The following FBRSL1 variants were observed in gnomAD, a reference collection of about 807,000 sequenced individuals.
The protein encoded by FBRSL1 is fibrosin-1-like protein.
In FBRSL1, 51 loss-of-function variants were observed where a neutral mutation model predicts 89.6. The ratio of observed to expected loss-of-function variants is 0.57; its 90% CI spans 0.45 to 0.72. FBRSL1 has a LOEUF of 0.72. Ranked by LOEUF, FBRSL1 falls within the 30% of genes least tolerant of loss-of-function variation. The pLI, the probability that FBRSL1 is intolerant of heterozygous loss-of-function variation, is 0.00. For missense variants in FBRSL1, 1,618 were observed against 1,451.8 expected, an observed-to-expected ratio of 1.11 and a Z score of -1.86; for synonymous variants, 779 against 681.1, an observed-to-expected ratio of 1.14 and a Z score of -2.24.
intron 12 of FBRSL1, 68 bp from the exon 13 acceptor site, chr12:132,574,251 T>C (rs955335113): frequency 6.9e-7 from 1 of 1,458,758 alleles, no homozygotes; most frequent in African/African-American, 1.4e-5. Flanking sequence ...ACGGGCTGTG[T>C]CCCCTGCACC....
intron 2 of FBRSL1, among the ~76,000 whole-genome samples, chr12:132,522,578 A>G (rs1229503093): frequency 6.6e-6 from 1 of 152,212 alleles, no homozygotes; most frequent in Non-Finnish European, 1.5e-5. Context: ...AGTGGCTTCC[A>G]TCAGCTTTGG....
At chr12:132,512,302 C>G (rs1256007726) in intron 2 of FBRSL1, among the ~76,000 whole-genome samples, 1 of 152,260 alleles carries the variant, frequency 6.6e-6, no homozygotes, top group Non-Finnish European at 1.5e-5. Context: ...AGCTCAGAGT[C>G]CTCTGCATGG....
At chr12:132,528,071 A>G (rs2035949502) in intron 4 of FBRSL1, 83 bp downstream of exon 4, 1 of 1,282,870 alleles carries the variant, frequency 7.8e-7, no homozygotes. Context: ...CCGAGGCCCC[A>G]CAACTTAGCT....
intron 5 of FBRSL1, among the ~76,000 whole-genome samples, chr12:132,564,142 G>A (rs1593515674): frequency 6.6e-6 from 1 of 152,164 alleles, no homozygotes; most frequent in Non-Finnish European, 1.5e-5. Context: ...AGGCAGACGC[G>A]CTCACTGTTG....
chr12:132,501,133 T>A (rs1484429906), intron 1 of FBRSL1, among the ~76,000 whole-genome samples: 1 of 151,952 alleles, frequency 6.6e-6, no homozygotes, highest in African/African-American at 2.4e-5. Context: ...GCTACATTGG[T>A]CCCCCTGCAA....
rs759199100 is a variant in FBRSL1 at position 132,583,032 on chromosome 12, C to G, written c.2263C>G (p.Pro755Ala). Residue 755 changes from proline to alanine, a missense_variant, in exon 19 of 19, where the codon CCC becomes GCC. Physicochemically the swap from Pro to Ala is conservative, Grantham distance 27 (BLOSUM62 -1). Coordinates refer to ENST00000680143, the MANE Select transcript of FBRSL1 (RefSeq NM_001367871.1). ...RASPATPAGH[P>A]VSGLLLRAQS... ...CTCGCCCGCCACCCCCGCTGGCCACCCCGTCAGCGGCCTCCTGCTCCGGGC... is the reference window on the plus strand; with the variant it reads ...CTCGCCCGCCACCCCCGCTGGCCACGCCGTCAGCGGCCTCCTGCTCCGGGC... The G allele has an allele frequency of 6.9e-7, 1 of 1,456,618 alleles. No individual in the cohort carries two copies. Among genetic ancestry groups the G allele is most frequent in the South Asian group, 1.3e-5 (1 of 75,780 alleles). 90.2% of individuals were successfully genotyped at this position (1,456,618 alleles called of 1,614,324 possible).
chr12:132,502,595 C>T (rs542657112), intron 1 of FBRSL1, among the ~76,000 whole-genome samples: 86 of 152,230 alleles, frequency 5.6e-4, no homozygotes, highest in African/African-American at 2.0e-3. Flanking sequence ...CAGCCCCTAT[C>T]AGACGGTTCT....
rs1204364903 is a variant in FBRSL1, at chr12:132,536,501, G to A, written c.615+8513G>A. ...GCACATGTACATGAAGGTGTGTCGT[G>A]TACATGATGGTGTGAGTGCATGTGT... On this transcript the variant is annotated intron_variant, in intron 4 of 18. Coordinates refer to ENST00000680143, the MANE Select transcript of FBRSL1 (RefSeq NM_001367871.1). Among the ~76,000 whole-genome samples the A allele has an allele frequency of 2.7e-5, 4 of 150,592 alleles. No homozygotes were observed. In the East Asian group the frequency reaches 8.0e-4, roughly 30 times the overall value.
At chr12:132,502,443 C>CAG (rs1566102559) in intron 1 of FBRSL1, among the ~76,000 whole-genome samples, 1 of 152,186 alleles carries the variant, frequency 6.6e-6, no homozygotes, top group African/African-American at 2.4e-5. Context: ...AGGTGTGATC[C>CAG]GTGGTCTTCC....
At chr12:132,552,970 G>T (rs2038318017) in intron 5 of FBRSL1, 1 of 153,058 alleles carries the variant, frequency 6.5e-6, no homozygotes, top group African/African-American at 2.4e-5. Flanking sequence ...TGTCCAGCCA[G>T]CGGCCCAGGC....
Position 132,574,321 on chromosome 12 carries a change from G to A in FBRSL1, c.1602G>A (p.Val534=), listed in dbSNP as rs963879814. 1 of 1,545,676 alleles carries A rather than the reference G, an allele frequency of 6.5e-7. No individual in the cohort carries two copies. The highest frequency in any genetic ancestry group is 8.7e-7 in the Non-Finnish European group (1 of 1,144,786). The change falls in exon 13 of 19, where the codon GTG becomes GTA. Residue 534 remains valine, a splice_region_variant and synonymous_variant. Transcript: ENST00000680143. ...VHTLLQKAPG[V]SDPYRAVVKK... ...ACACTCCTTTCCTGTCTCCACAGGT[G>A]TCTGACCCGTACCGGGCGGTGGTCA... is the stretch of plus-strand genomic sequence containing the variant.
rs569346284 is a variant in FBRSL1, at chr12:132,562,735, G to A, written c.646-4746G>A. Among the ~76,000 whole-genome samples the A allele has an allele frequency of 5.9e-5, 9 of 152,224 alleles. No homozygotes were observed. In the South Asian group the frequency reaches 1.5e-3, roughly 25 times the overall value. ...CTTCCTCCAGTGCAGGGGCCCTTCC[G>A]GCGCGTGTGGGTGTGGCAGGCCCGC... On this transcript the variant is annotated intron_variant, in intron 5 of 18. Transcript: ENST00000680143.
chr12:132,564,719 TCTC>T lies in FBRSL1; in HGVS notation c.646-2759_646-2757del, dbSNP rs1268487816. ...ACCGTGTTAGCCAGGATGGTCTCGA[TCTC>T]CTGACCTCGTGATCCGCCCTCCTCG... On this transcript the variant is annotated intron_variant, in intron 5 of 18. Coordinates refer to ENST00000680143, the MANE Select transcript of FBRSL1 (RefSeq NM_001367871.1). 3.4e-5 allele frequency among the ~76,000 whole-genome samples: 3 copies of T among 87,828 alleles called. 1 individual carries two copies. The highest frequency in any genetic ancestry group is 6.0e-5 in the Non-Finnish European group (3 of 49,714). The allele number at this position is 87,828 out of a possible 152,430, so 57.6% of individuals were successfully genotyped here.
At chr12:132,511,269 G>C in intron 2 of FBRSL1, 1 of 985,530 alleles carries the variant, frequency 1.0e-6, no homozygotes, top group Non-Finnish European at 1.2e-6. Flanking sequence ...CAGGCGAGGG[G>C]GACCCCACAG....
chr12:132,500,609 A>C (rs552635259), intron 1 of FBRSL1, among the ~76,000 whole-genome samples: 2 of 151,638 alleles, frequency 1.3e-5, no homozygotes, highest in East Asian at 3.9e-4. Flanking sequence ...CCTGAATCCG[A>C]CCTCATCCAG....
At chr12:132,518,345 G>A (rs530120390) in intron 2 of FBRSL1, among the ~76,000 whole-genome samples, 13 of 141,582 alleles carry the variant, frequency 9.2e-5, no homozygotes, top group East Asian at 2.2e-4. Flanking sequence ...ATCCACCCAC[G>A]CATTCATCAT....
chr12:132,529,095 T>C (rs375427576), intron 4 of FBRSL1, among the ~76,000 whole-genome samples: 1 of 152,210 alleles, frequency 6.6e-6, no homozygotes, highest in Non-Finnish European at 1.5e-5. Flanking sequence ...TTTCTACAGA[T>C]TGACGGCCTG....
At chr12:132,581,950 C>G in intron 17 of FBRSL1, 112 bp from the exon 18 acceptor site, 9 of 1,285,092 alleles carry the variant, frequency 7.0e-6, no homozygotes, top group Non-Finnish European at 9.6e-6. Context: ...CCTTGGGGCA[C>G]CCCCTTCTCA....
In FBRSL1 at chr12:132,583,144, A is replaced by C. The variant is rs1380303132; in HGVS notation, c.2375A>C (p.Glu792Ala). The C allele has an allele frequency of 5.5e-6, 8 of 1,464,824 alleles. No homozygotes were observed. Among genetic ancestry groups the C allele is most frequent in the East Asian group, 3.1e-5 (1 of 32,782 alleles). 90.7% of individuals were successfully genotyped at this position (1,464,824 alleles called of 1,614,324 possible). Residue 792 changes from glutamate to alanine, a missense_variant, in exon 19 of 19, where the codon GAG (glutamate) becomes GCG (alanine). Physicochemically the swap from Glu to Ala is moderately radical, Grantham distance 107. Transcript: ENST00000680143. The part of the protein sequence containing the change: ...VKESRSPAKE[E>A]AAKMPARASP... ...GAGAGCCGCTCCCCGGCCAAGGAGGAGGCCGCCAAGATGCCCGCGCGCGCA... is the reference window on the plus strand; with the variant it reads ...GAGAGCCGCTCCCCGGCCAAGGAGGCGGCCGCCAAGATGCCCGCGCGCGCA...
Sources: gnomAD v4.1 joint callset for allele counts (sites outside exome capture counted in the v4.1 genomes callset) on GRCh38, gnomAD v4.1.1 for gene constraint, MANE v1.5 for transcripts, NCBI Gene and HGNC (gene_info 2026-07-23, HGNC 2026-07-21) for gene names.